SPTLC3: variants seen among roughly 807,000 people sequenced by gnomAD.
SPTLC3 encodes serine palmitoyltransferase long chain base subunit 3.
Under a neutral mutation model 59.3 loss-of-function variants are expected in SPTLC3, and 36 were observed. The ratio of observed to expected loss-of-function variants is 0.61; its 90% CI spans 0.47 to 0.80. The LOEUF is 0.80. SPTLC3 is among the 30% of genes least tolerant of loss of function. The pLI, the probability that SPTLC3 is intolerant of heterozygous loss-of-function variation, is 0.00. For missense variants in SPTLC3, 625 were observed against 685.1 expected (o/e 0.91, Z 0.98); for synonymous variants, 257 against 240.8 (o/e 1.07, Z -0.62).
intron 3 of SPTLC3, among the ~76,000 whole-genome samples, chr20:13,073,002 T>C (rs1453977894): frequency 6.6e-6 from 1 of 152,222 alleles, no homozygotes; most frequent in Non-Finnish European, 1.5e-5. Flanking sequence ...ATTGTAAAGA[T>C]CAAATCAGTG....
chr20:13,101,997 A>G (rs868494054), intron 6 of SPTLC3, among the ~76,000 whole-genome samples: 2 of 152,208 alleles, frequency 1.3e-5, no homozygotes, highest in Non-Finnish European at 2.9e-5. Flanking sequence ...CAGGCAGGTC[A>G]AGAATTTGGA....
intron 4 of SPTLC3, among the ~76,000 whole-genome samples, chr20:13,084,749 A>G (rs1183336154): frequency 2.6e-5 from 4 of 152,200 alleles, no homozygotes; most frequent in African/African-American, 7.2e-5. Flanking sequence ...CTTACTTTAT[A>G]GAATATGTGT....
intron 1 of SPTLC3, among the ~76,000 whole-genome samples, chr20:13,009,670 C>T (rs1003217103): frequency 4.6e-5 from 7 of 152,112 alleles, no homozygotes; most frequent in South Asian, 2.1e-4. Flanking sequence ...AAGCATTTTG[C>T]GGGGAGGGAA....
intron 4 of SPTLC3, 122 bp downstream of exon 4, chr20:13,074,619 G>GT: frequency 2.8e-6 from 3 of 1,080,098 alleles, no homozygotes; most frequent in Non-Finnish European, 3.8e-6. Flanking sequence ...ACTGCAGAAA[G>GT]AAAAAAAAGA....
intron 2 of SPTLC3, among the ~76,000 whole-genome samples, chr20:13,052,552 C>A (rs889675897): frequency 3.9e-5 from 6 of 152,078 alleles, no homozygotes; most frequent in African/African-American, 1.4e-4. Flanking sequence ...ACCATTCACT[C>A]CCCTGGAAAG....
chr20:13,094,920 C>T (rs1989360733), intron 6 of SPTLC3, among the ~76,000 whole-genome samples: 1 of 152,148 alleles, frequency 6.6e-6, no homozygotes. Context: ...AATACACTGA[C>T]CTCATTTGTC....
At chr20:13,055,896 G>T (rs777848444) in intron 2 of SPTLC3, among the ~76,000 whole-genome samples, 21 of 152,110 alleles carry the variant, frequency 1.4e-4, no homozygotes, top group Non-Finnish European at 2.5e-4. Context: ...CCCACAAGGA[G>T]TTCCGGAGAT....
At chr20:13,012,576 A>G (rs35811012) in intron 1 of SPTLC3, among the ~76,000 whole-genome samples, 2,115 of 152,364 alleles carry the variant, frequency 0.014, 28 homozygotes, top group Non-Finnish European at 0.021. Context: ...TACTAGTACT[A>G]GAAGTTGGAG....
Position 13,164,766 on chromosome 20 carries a change from C to G in SPTLC3, c.1558C>G (p.Leu520Val), listed in dbSNP as rs1270706896. ...REMLDTVLEA[L>V]DEMGDLLQLK... Reference sequence around the variant, plus strand: ...AATCTCATTGCAGGTTTTAGAAGCTCTTGATGAAATGGGTGATCTCTTGCA... The same window carrying G: ...AATCTCATTGCAGGTTTTAGAAGCTGTTGATGAAATGGGTGATCTCTTGCA... The change falls in exon 12 of 12, where the codon CTT becomes GTT. Residue 520 changes from leucine (L) to valine (V), a missense_variant. By Grantham distance (32) the Leu-to-Val change is conservative (BLOSUM62 1). Coordinates refer to ENST00000399002, the MANE Select transcript of SPTLC3 (RefSeq NM_018327.4). The G allele has an allele frequency of 1.2e-6, 2 of 1,613,274 alleles. No individual in the cohort carries two copies. The highest frequency in any genetic ancestry group is 1.3e-5 in the African/African-American group (1 of 74,874).
At chr20:13,017,742 TGAAA>T (rs373522798) in intron 1 of SPTLC3, among the ~76,000 whole-genome samples, 1 of 152,202 alleles carries the variant, frequency 6.6e-6, no homozygotes, top group African/African-American at 2.4e-5. Context: ...CTGCAGCAGA[TGAAA>T]GATAGTTACA....
intron 4 of SPTLC3, among the ~76,000 whole-genome samples, chr20:13,078,135 T>C (rs1198943387): frequency 6.8e-6 from 1 of 148,036 alleles, no homozygotes; most frequent in Non-Finnish European, 1.5e-5. Flanking sequence ...CTTATAAAAC[T>C]ATTACATATT....
intron 9 of SPTLC3, among the ~76,000 whole-genome samples, chr20:13,148,287 G>C (rs1170330013): frequency 6.6e-6 from 1 of 152,186 alleles, no homozygotes; most frequent in African/African-American, 2.4e-5. Flanking sequence ...TGGAGGGGAG[G>C]TTAAAGTATT....
chr20:13,074,124 G>A (rs951579697), intron 3 of SPTLC3: 201 of 704,692 alleles, frequency 2.9e-4, no homozygotes, highest in Admixed American at 2.1e-4. Context: ...TAAAGTGCCC[G>A]GCACTGGCTG....
At chr20:13,019,746 T>A (rs1437888202) in intron 1 of SPTLC3, among the ~76,000 whole-genome samples, 1 of 152,182 alleles carries the variant, frequency 6.6e-6, no homozygotes, top group Non-Finnish European at 1.5e-5. Flanking sequence ...ATTCATGAAG[T>A]CTAGTCACCA....
At chr20:13,123,604 T>C (rs1413258762) in intron 8 of SPTLC3, among the ~76,000 whole-genome samples, 1 of 152,162 alleles carries the variant, frequency 6.6e-6, no homozygotes, top group Non-Finnish European at 1.5e-5. Context: ...TTATATTCCC[T>C]CCAAGGGGAC....
intron 1 of SPTLC3, among the ~76,000 whole-genome samples, chr20:13,038,137 G>A (rs900846181): frequency 6.6e-6 from 1 of 150,956 alleles, no homozygotes; most frequent in African/African-American, 2.4e-5. Flanking sequence ...TATATTATTG[G>A]TCTGTAGTTT....
At chr20:13,164,234 T>C (rs1251767128) in intron 11 of SPTLC3, 1 of 413,596 alleles carries the variant, frequency 2.4e-6, no homozygotes. Flanking sequence ...CCCTGTGAGT[T>C]AAGTTCTAGT....
At chr20:13,139,199 G>C (rs1469474352) in intron 9 of SPTLC3, among the ~76,000 whole-genome samples, 1 of 152,126 alleles carries the variant, frequency 6.6e-6, no homozygotes, top group Non-Finnish European at 1.5e-5. Flanking sequence ...GTAACAAGAG[G>C]TTGAGAAACT....
intron 2 of SPTLC3, among the ~76,000 whole-genome samples, chr20:13,057,876 A>C (rs1350579136): frequency 6.6e-6 from 1 of 152,214 alleles, no homozygotes; most frequent in Non-Finnish European, 1.5e-5. Flanking sequence ...AATCCAGAAG[A>C]GAATGTCAGC....
Sources: allele counts gnomAD v4.1 joint callset (sites outside exome capture counted in the v4.1 genomes callset), GRCh38; gene constraint gnomAD v4.1.1; transcripts MANE v1.5; gene names NCBI Gene and HGNC (gene_info 2026-07-23, HGNC 2026-07-21).